Variants in CREB3L3 observed in about 807,000 individuals in gnomAD.
CREB3L3 encodes cyclic AMP-responsive element-binding protein 3-like protein 3.
Under a neutral mutation model 44.6 loss-of-function variants are expected in CREB3L3, and 40 were observed. That is an observed-to-expected ratio of 0.90 (90% CI 0.70 to 1.17). CREB3L3 has a LOEUF of 1.17. Ranked by LOEUF, CREB3L3 falls within the 50% of genes most tolerant of loss-of-function variation. CREB3L3 has a pLI of 0.00. For synonymous variants in CREB3L3, 273 were observed against 256.3 expected (o/e 1.06, Z -0.62); for missense variants, 578 against 595.8 (o/e 0.97, Z 0.31).
At chr19:4,162,766 C>G (rs2041676333) in intron 4 of CREB3L3, among the ~76,000 whole-genome samples, 2 of 147,080 alleles carry the variant, frequency 1.4e-5, no homozygotes, top group African/African-American at 5.0e-5. Context: ...ATTGCTTGAG[C>G]CCAGGAGTTT....
intron 4 of CREB3L3, among the ~76,000 whole-genome samples, chr19:4,160,193 G>T (rs2041640287): frequency 6.6e-6 from 1 of 151,482 alleles, no homozygotes; most frequent in South Asian, 2.1e-4. Context: ...CTACTCGGGA[G>T]GCTGAGGTGG....
rs77528283 is a variant in CREB3L3 at position 4,157,190 on chromosome 19, C to A, written c.352C>A (p.Pro118Thr). 1.3e-5 allele frequency: 21 copies of A among 1,614,054 alleles called. No homozygotes were observed. The African/African-American group carries it at 2.5e-4, about 19-fold the overall frequency. ...CCCCGCCGGCTGCCATCCTGCCCAGCCTGGCAAGGGGCCCTGCCTCTCCTA... is the reference window on the plus strand; with the variant it reads ...CCCCGCCGGCTGCCATCCTGCCCAGACTGGCAAGGGGCCCTGCCTCTCCTA... Reference protein sequence around the residue: ...TSPAGCHPAQPGKGPCLSYHP... With the variant: ...TSPAGCHPAQTGKGPCLSYHP... The change falls in exon 3 of 10, where the codon CCT (proline) becomes ACT (threonine). Residue 118 changes from proline (P) to threonine (T), a missense_variant. Transcript: ENST00000078445.
intron 2 of CREB3L3, among the ~76,000 whole-genome samples, chr19:4,155,422 C>T (rs1599328968): frequency 6.7e-6 from 1 of 150,048 alleles, no homozygotes; most frequent in South Asian, 2.1e-4. Context: ...GCAGTGGTGC[C>T]ATCTCGGCTC....
At chr19:4,162,667 C>G (rs2041675156) in intron 4 of CREB3L3, among the ~76,000 whole-genome samples, 1 of 151,430 alleles carries the variant, frequency 6.6e-6, no homozygotes, top group Non-Finnish European at 1.5e-5. Context: ...CTGGGTGACA[C>G]AGTGACATCT....
intron 2 of CREB3L3, among the ~76,000 whole-genome samples, chr19:4,156,301 C>A (rs1350340326): frequency 6.6e-6 from 1 of 151,782 alleles, no homozygotes; most frequent in Non-Finnish European, 1.5e-5. Flanking sequence ...GATTCTCCTG[C>A]CTCAGCTTCC....
At chr19:4,155,114 C>A in intron 2 of CREB3L3, 87 bp downstream of exon 2, 1 of 1,531,544 alleles carries the variant, frequency 6.5e-7, no homozygotes, top group Non-Finnish European at 8.9e-7. Flanking sequence ...CCCGCCAGAG[C>A]CCAGCCAGAG....
intron 1 of CREB3L3, among the ~76,000 whole-genome samples, chr19:4,154,510 C>T (rs1185555299): frequency 6.6e-6 from 1 of 152,122 alleles, no homozygotes; most frequent in Non-Finnish European, 1.5e-5. Flanking sequence ...GCTGGGACGA[C>T]AAGTGTGTGC....
chr19:4,161,403 GC>G (rs1474373178), intron 4 of CREB3L3, among the ~76,000 whole-genome samples: 7 of 152,134 alleles, frequency 4.6e-5, no homozygotes, highest in African/African-American at 1.4e-4. Context: ...ATGAGCTACT[GC>G]GCCCCGCCTG....
chr19:4,156,162 T>C (rs2041572782), intron 2 of CREB3L3, among the ~76,000 whole-genome samples: 1 of 53,074 alleles, frequency 1.9e-5, no homozygotes, highest in Non-Finnish European at 3.1e-5. Flanking sequence ...CCTCCCTCCC[T>C]TCCTCCCTTC....
rs773498032 is a variant in CREB3L3 at position 4,171,858 on chromosome 19, G to A, written c.1275G>A (p.Leu425=). The change falls in exon 10 of 10, where the codon CTG becomes CTA. Residue 425 remains leucine (L), a synonymous_variant. Transcript: ENST00000078445. This position sits in a 1 kb window ranked among gnomAD's most constrained non-coding sequence, Gnocchi z 4.9. ...TEELDNATLV[L]RNATEGLGQV... is the part of the protein sequence containing the mutation. ...AGCTGGACAACGCCACCCTGGTCCT[G>A]AGGAATGCAACAGAGGGGCTGGGCC... The A allele has an allele frequency of 8.7e-6, 14 of 1,613,476 alleles. No individual in the cohort carries two copies. In the South Asian group the frequency reaches 1.5e-4, roughly 18 times the overall value.
rs150947572 is a variant in CREB3L3 at position 4,166,522 on chromosome 19, C to A, written c.715-1829C>A. On this transcript the variant is annotated intron_variant, in intron 5 of 9. Transcript: ENST00000078445. ...CTTGTGATCTGCCCAGCTCAGCCTCCCAAAGTGTTGGGATTACAGGTGTGA... is the reference window on the plus strand; with the variant it reads ...CTTGTGATCTGCCCAGCTCAGCCTCACAAAGTGTTGGGATTACAGGTGTGA... Among the ~76,000 whole-genome samples the A allele has an allele frequency of 2.4e-3, 365 of 150,484 alleles. 2 individuals carry two copies. The highest frequency in any genetic ancestry group is 8.6e-3 in the African/African-American group (350 of 40,838).
rs34259250 is a variant in CREB3L3 at position 4,169,584 on chromosome 19, C to CTTTT, written c.822-535_822-532dup. On this transcript the variant is annotated intron_variant, in intron 6 of 9. Transcript: ENST00000078445. ...CACTGCCTGAATCTAGGAGGCTCAG[C>CTTTT]TTTTTTTTTTTTTTTTTTTTTTTTG... Among the ~76,000 whole-genome samples, 106 of 95,130 alleles carry CTTTT rather than the reference C, an allele frequency of 1.1e-3. 5 individuals carry two copies. Among genetic ancestry groups the CTTTT allele is most frequent in the African/African-American group, 4.2e-3 (94 of 22,596 alleles). The allele number at this position is 95,130 out of a possible 152,430, so 62.4% of individuals were successfully genotyped here.
Position 4,171,547 on chromosome 19 carries a change from A to T in CREB3L3, c.1072+68A>T. 6.3e-7 allele frequency: 1 copy of T among 1,598,874 alleles called. No individual in the cohort carries two copies. The highest frequency in any genetic ancestry group is 8.6e-7 in the Non-Finnish European group (1 of 1,166,698). On this transcript the variant is annotated intron_variant, in intron 9 of 9. Coordinates refer to ENST00000078445, the MANE Select transcript of CREB3L3 (RefSeq NM_032607.3). This position sits in a 1 kb window ranked among gnomAD's most constrained non-coding sequence, Gnocchi z 4.9. Reference sequence around the variant, plus strand: ...AGTCCCCGTCCTGGGCCTCTGGGGGAGGGGGAGAAGACCCCTGTGCCCTTG... The same window carrying T: ...AGTCCCCGTCCTGGGCCTCTGGGGGTGGGGGAGAAGACCCCTGTGCCCTTG...
chr19:4,163,472 G>A (rs1358188004), intron 4 of CREB3L3, among the ~76,000 whole-genome samples: 1 of 152,218 alleles, frequency 6.6e-6, no homozygotes, highest in Non-Finnish European at 1.5e-5. Context: ...AAAGGACCGT[G>A]TGTTGGTTAT....
intron 2 of CREB3L3, among the ~76,000 whole-genome samples, chr19:4,155,939 G>T (rs1178172154): frequency 6.6e-6 from 1 of 151,280 alleles, no homozygotes; most frequent in African/African-American, 2.4e-5. Flanking sequence ...AGTAGAGATG[G>T]GGTTTCACCA....
At chr19:4,168,051 T>G (rs1966958781) in intron 5 of CREB3L3, among the ~76,000 whole-genome samples, 1 of 151,752 alleles carries the variant, frequency 6.6e-6, no homozygotes, top group Admixed American at 6.6e-5. Context: ...CAGGCTGGAT[T>G]GCAATGGCAC....
chr19:4,162,387 C>A (rs1190952186), intron 4 of CREB3L3, among the ~76,000 whole-genome samples: 1 of 151,914 alleles, frequency 6.6e-6, no homozygotes, highest in East Asian at 1.9e-4. Context: ...ATCCTCCTGC[C>A]TCGACCTCCC....
chr19:4,168,304 G>A (rs764185301), intron 5 of CREB3L3, 47 bp from the exon 6 acceptor site: 4 of 1,500,766 alleles, frequency 2.7e-6, no homozygotes, highest in African/African-American at 1.4e-5. Flanking sequence ...CGGACTCCAA[G>A]TGGGGACTTT....
chr19:4,171,673 C>T lies in CREB3L3; in HGVS notation c.1090C>T (p.His364Tyr), dbSNP rs1425096788. 3.1e-6 allele frequency: 5 copies of T among 1,613,332 alleles called. No individual in the cohort carries two copies. In the East Asian group the frequency reaches 1.1e-4, roughly 36 times the overall value. ...CCAATCAGTGTTCTCCAGAACTTTGCACAACGATGCTGCCTCCCGCGTGGC... is the reference window on the plus strand; with the variant it reads ...CCAATCAGTGTTCTCCAGAACTTTGTACAACGATGCTGCCTCCCGCGTGGC... Reference protein sequence around the residue: ...APVRVFSRTLHNDAASRVAAD... With the variant: ...APVRVFSRTLYNDAASRVAAD... The change falls in exon 10 of 10, where the codon CAC becomes TAC. Residue 364 changes from histidine to tyrosine, a missense_variant. Physicochemically the swap from His to Tyr is moderately conservative, Grantham distance 83. Coordinates refer to ENST00000078445, the MANE Select transcript of CREB3L3 (RefSeq NM_032607.3). The surrounding 1 kb of genome is among the most constrained non-coding windows in gnomAD (Gnocchi z 4.9).
Sources: allele counts gnomAD v4.1 joint callset (sites outside exome capture counted in the v4.1 genomes callset), GRCh38; gene constraint gnomAD v4.1.1; non-coding constraint Gnocchi (gnomAD v3.1); transcripts MANE v1.5; gene names NCBI Gene and HGNC (gene_info 2026-07-23, HGNC 2026-07-21).